The following EXD3 variants were observed in gnomAD, a reference collection of about 807,000 sequenced individuals.
EXD3 encodes the protein exonuclease 3'-5' domain containing 3, also known as exonuclease mut-7 homolog.
A neutral mutation model predicts 98.0 loss-of-function variants in EXD3; 92 were observed. The observed-to-expected ratio is 0.94, with a 90% confidence interval of 0.79 to 1.12. The LOEUF (loss-of-function observed/expected upper bound fraction) is 1.12. Among genes scored for constraint, EXD3 ranks in the 50% most tolerant of loss-of-function variants. EXD3 has a pLI of 0.00. For missense variants in EXD3, 1,222 were observed against 1,191.6 expected, an observed-to-expected ratio of 1.03 and a Z score of -0.38; for synonymous variants, 569 against 526.0, an observed-to-expected ratio of 1.08 and a Z score of -1.12.
At chr9:137,404,948 C>T (rs1006098023) in intron 1 of EXD3, among the ~76,000 whole-genome samples, 3 of 152,140 alleles carry the variant, frequency 2.0e-5, no homozygotes, top group Non-Finnish European at 4.4e-5. Flanking sequence ...TCTGCCTCAG[C>T]CCCTACCTAT....
chr9:137,339,940 A>C (rs546399978), intron 17 of EXD3, among the ~76,000 whole-genome samples: 1 of 152,348 alleles, frequency 6.6e-6, no homozygotes, highest in East Asian at 1.9e-4. Flanking sequence ...AGGAAGAAAT[A>C]AAACCCTCAT....
rs1554735486 is a variant in EXD3 at position 137,395,970 on chromosome 9, C to CTTTCT, written c.-47-567_-47-566insAGAAA. The stretch of plus-strand genomic sequence containing the variant: ...TTTTTTTTCTTTTCTTTCTTTCTTT[C>CTTTCT]TTTTTTTTTTTTTTGGAGACAGAGT... On this transcript the variant is annotated intron_variant, in intron 1 of 21. Coordinates refer to ENST00000340951, the MANE Select transcript of EXD3 (RefSeq NM_017820.5). The surrounding 1 kb of genome is among the most constrained non-coding windows in gnomAD (Gnocchi z 6.5). Among the ~76,000 whole-genome samples, 4 of 140,760 alleles carry CTTTCT rather than the reference C, an allele frequency of 2.8e-5. No individual in the cohort carries two copies. Among genetic ancestry groups the CTTTCT allele is most frequent in the African/African-American group, 1.0e-4 (4 of 38,448 alleles). 92.3% of individuals were successfully genotyped at this position (140,760 alleles called of 152,430 possible). A position where few individuals can be genotyped will look rare whatever the true frequency, so the allele number is the denominator to read the frequency against.
chr9:137,354,312 G>A lies in EXD3; in HGVS notation c.870+27C>T, dbSNP rs148581131. 6.6e-3 allele frequency: 10,592 copies of A among 1,611,232 alleles called. 66 individuals carry two copies. Among genetic ancestry groups the A allele is most frequent in the South Asian group, 0.018 (1,612 of 90,880 alleles). On this transcript the variant is annotated intron_variant, in intron 10 of 21. Coordinates refer to ENST00000340951, the MANE Select transcript of EXD3 (RefSeq NM_017820.5). Reference sequence around the variant, plus strand: ...GGACAGCCGCCCAGGCCGCCCTGCCGGCTTACAGGCAAGGGCACGAACTCA... The same window carrying A: ...GGACAGCCGCCCAGGCCGCCCTGCCAGCTTACAGGCAAGGGCACGAACTCA...
intron 7 of EXD3, among the ~76,000 whole-genome samples, chr9:137,363,904 C>T (rs73581598): frequency 2.3e-3 from 354 of 152,234 alleles, no homozygotes; most frequent in African/African-American, 8.2e-3. Flanking sequence ...AATGTCTATA[C>T]GGTCTGTAAT....
chr9:137,365,705 C>T (rs552938005), intron 7 of EXD3: 3 of 304,342 alleles, frequency 9.9e-6, no homozygotes, highest in Non-Finnish European at 1.9e-5. Context: ...CACGTACACA[C>T]CCATGCACAC....
At chr9:137,380,954 C>A (rs947935062) in intron 3 of EXD3, among the ~76,000 whole-genome samples, 4 of 143,652 alleles carry the variant, frequency 2.8e-5, no homozygotes, top group Non-Finnish European at 6.1e-5. Context: ...ACAAAAATAG[C>A]CAGGCGTGGT....
intron 19 of EXD3, among the ~76,000 whole-genome samples, chr9:137,317,678 C>A (rs1831761994): frequency 6.6e-6 from 1 of 152,078 alleles, no homozygotes; most frequent in Non-Finnish European, 1.5e-5. Flanking sequence ...CCTGGGGGAA[C>A]CACCTGGACC....
rs369837935 is a variant in EXD3, at chr9:137,324,077, T to C, written c.2052+13A>G. 14 of 1,581,988 alleles carry C rather than the reference T, an allele frequency of 8.8e-6. No individual in the cohort carries two copies. Among genetic ancestry groups the C allele is most frequent in the African/African-American group, 8.1e-5 (6 of 74,182 alleles). The stretch of plus-strand genomic sequence containing the variant: ...GGGCTCAGGCCCACTGAGCTTATCT[T>C]TGGGACACTCACCTTGTGGAATGGC... On this transcript the variant is annotated intron_variant, in intron 18 of 21. Transcript: ENST00000340951. This position sits in a 1 kb window ranked among gnomAD's most constrained non-coding sequence, Gnocchi z 4.1.
intron 8 of EXD3, among the ~76,000 whole-genome samples, chr9:137,355,678 T>TGGAGGAAGGAGAAAGGGAGGAAGGAGGAA (rs1834714663): frequency 9.2e-5 from 1 of 10,920 alleles, no homozygotes; most frequent in African/African-American, 3.7e-4. Context: ...AAAGGGAGGA[T>TGGAGGAAGGAGAAAGGGAGGAAGGAGGAA]GGAGGAAGGA....
intron 1 of EXD3, among the ~76,000 whole-genome samples, chr9:137,406,439 C>T (rs1483282033): frequency 5.3e-5 from 8 of 152,122 alleles, no homozygotes; most frequent in Non-Finnish European, 8.8e-5. Context: ...TCGTGACACC[C>T]CCATCGCACA....
rs1837665250 is a variant in EXD3 at position 137,405,367 on chromosome 9, A to AG, written c.-47-9964_-47-9963insC. ...TGGGGACCCCTGGACCACAGGACCAACGGGGGCAGGGTGGGCCCCCCACAC... is the reference window on the plus strand; with the variant it reads ...TGGGGACCCCTGGACCACAGGACCAAGCGGGGGCAGGGTGGGCCCCCCACAC... On this transcript the variant is annotated intron_variant, in intron 1 of 21. Coordinates refer to ENST00000340951, the MANE Select transcript of EXD3 (RefSeq NM_017820.5). This position sits in a 1 kb window ranked among gnomAD's most constrained non-coding sequence, Gnocchi z 4.1. Among the ~76,000 whole-genome samples, 1 of 152,162 alleles carries AG rather than the reference A, an allele frequency of 6.6e-6. No homozygotes were observed. The highest frequency in any genetic ancestry group is 1.9e-4 in the East Asian group (1 of 5,180).
chr9:137,308,482 G>A (rs924222369), intron 20 of EXD3, among the ~76,000 whole-genome samples: 2 of 152,020 alleles, frequency 1.3e-5, no homozygotes, highest in African/African-American at 4.8e-5. Flanking sequence ...GGTGTGTGCC[G>A]TCATGTCCTG....
Position 137,393,712 on chromosome 9 carries a change from G to A in EXD3, c.55+1591C>T, listed in dbSNP as rs1465593000. ...GGCAGAGAGCCTCAGCTGCTGCCAT[G>A]TGGGAGCAGGGCTTTCACAGAGGGG... On this transcript the variant is annotated intron_variant, in intron 2 of 21. Coordinates refer to ENST00000340951, the MANE Select transcript of EXD3 (RefSeq NM_017820.5). This position sits in a 1 kb window ranked among gnomAD's most constrained non-coding sequence, Gnocchi z 4.6. Among the ~76,000 whole-genome samples, 1 of 152,204 alleles carries A rather than the reference G, an allele frequency of 6.6e-6. No homozygotes were observed. The highest frequency in any genetic ancestry group is 1.5e-5 in the Non-Finnish European group (1 of 68,006).
chr9:137,376,218 A>C lies in EXD3; in HGVS notation c.121-2619T>G, dbSNP rs1263605264. 7.3e-5 allele frequency among the ~76,000 whole-genome samples: 11 copies of C among 151,550 alleles called. No individual in the cohort carries two copies. In the South Asian group the frequency reaches 2.1e-3, roughly 29 times the overall value. On this transcript the variant is annotated intron_variant, in intron 3 of 21. Transcript: ENST00000340951. ...AATTAGCCGGGCATGGTGGCGGGCG[A>C]CTGTAGTCCCAGCTACTCGGGAGGC... is the stretch of plus-strand genomic sequence containing the variant.
Position 137,349,525 on chromosome 9 carries a change from C to T in EXD3, c.1501G>A (p.Val501Met), listed in dbSNP as rs551667120. Residue 501 changes from valine to methionine, a missense_variant, in exon 15 of 22, where the codon GTG becomes ATG. Val to Met is a conservative substitution (Grantham distance 21). Transcript: ENST00000340951. The surrounding 1 kb of genome is among the most constrained non-coding windows in gnomAD (Gnocchi z 7.4). ...DLLLVHRQMR[V>M]ASVPAPAVDR... Reference sequence around the variant, plus strand: ...ACGGCTGGGGCTGGCACGCTCGCCACCCGCATCTGCTAAGACAGTGCCCTG... The same window carrying T: ...ACGGCTGGGGCTGGCACGCTCGCCATCCGCATCTGCTAAGACAGTGCCCTG... The T allele has an allele frequency of 3.8e-6, 6 of 1,589,038 alleles. No homozygotes were observed. The highest frequency in any genetic ancestry group is 5.1e-6 in the Non-Finnish European group (6 of 1,171,040).
At chr9:137,390,881 C>T (rs533229223) in intron 2 of EXD3, among the ~76,000 whole-genome samples, 25 of 152,352 alleles carry the variant, frequency 1.6e-4, no homozygotes, top group African/African-American at 5.8e-4. Flanking sequence ...CAGGTCAAGG[C>T]CAGTGGACGC....
chr9:137,314,330 C>T (rs543490285), intron 19 of EXD3, among the ~76,000 whole-genome samples: 11 of 152,322 alleles, frequency 7.2e-5, no homozygotes, highest in African/African-American at 2.4e-4. Flanking sequence ...AAGGGAGTTG[C>T]GAGTTTGCCA....
chr9:137,413,243 C>T (rs546434135), intron 1 of EXD3, among the ~76,000 whole-genome samples: 2 of 152,324 alleles, frequency 1.3e-5, no homozygotes, highest in African/African-American at 2.4e-5. Flanking sequence ...CTCCGTCGCC[C>T]AGGCTGGAGT....
intron 7 of EXD3, among the ~76,000 whole-genome samples, chr9:137,362,544 G>A (rs1052826401): frequency 6.7e-6 from 1 of 150,008 alleles, no homozygotes; most frequent in Non-Finnish European, 1.5e-5. Flanking sequence ...CTCTGTCCCC[G>A]GAGCGCAGCA....
Sources: gnomAD v4.1 joint callset for allele counts (sites outside exome capture counted in the v4.1 genomes callset) on GRCh38, gnomAD v4.1.1 for gene constraint, Gnocchi (gnomAD v3.1) non-coding constraint, MANE v1.5 for transcripts, NCBI Gene and HGNC (gene_info 2026-07-23, HGNC 2026-07-21) for gene names.